The following ATP10B variants were observed in gnomAD, a reference collection of about 807,000 sequenced individuals.
ATP10B encodes ATPase phospholipid transporting 10B (putative).
A neutral mutation model predicts 141.2 loss-of-function variants in ATP10B; 122 were observed. That is an observed-to-expected ratio of 0.86 (90% CI 0.75 to 1.00). The LOEUF is 1.00. ATP10B is among the 50% of genes least tolerant of loss of function. ATP10B has a pLI of 0.00. For synonymous variants in ATP10B, 685 were observed against 692.0 expected, an observed-to-expected ratio of 0.99 and a Z score of 0.16; for missense variants, 1,876 against 1,825.3, an observed-to-expected ratio of 1.03 and a Z score of -0.51.
chr5:160,832,456 G>A (rs1250215640), intron 1 of ATP10B, among the ~76,000 whole-genome samples: 1 of 152,106 alleles, frequency 6.6e-6, no homozygotes. Flanking sequence ...GTGTTAAGTT[G>A]TAGAGAGAGT....
At chr5:160,724,861 T>C (rs188995292) in intron 2 of ATP10B, among the ~76,000 whole-genome samples, 44 of 152,350 alleles carry the variant, frequency 2.9e-4, no homozygotes, top group Non-Finnish European at 5.7e-4. Context: ...TTTGTCCTCC[T>C]TCCTTGCATT....
At chr5:160,874,386 A>T in the ATP10B span, among the ~76,000 whole-genome samples, 1 of 152,186 alleles carries the variant, frequency 6.6e-6, no homozygotes, top group Admixed American at 6.5e-5. Context: ...TCATCTGTAC[A>T]TCACCATCGT....
chr5:160,601,780 G>T (rs1179359032), intron 21 of ATP10B, among the ~76,000 whole-genome samples: 2 of 152,142 alleles, frequency 1.3e-5, no homozygotes, highest in African/African-American at 4.8e-5. Context: ...GCTGGAGTCA[G>T]GTAAGACTAC....
chr5:160,809,454 T>C (rs1773002751), intron 1 of ATP10B, among the ~76,000 whole-genome samples: 1 of 152,238 alleles, frequency 6.6e-6, no homozygotes. Context: ...CATAGTGATG[T>C]TGCAATACAT....
chr5:160,788,485 A>G (rs1771332123), intron 1 of ATP10B, among the ~76,000 whole-genome samples: 1 of 152,268 alleles, frequency 6.6e-6, no homozygotes, highest in Non-Finnish European at 1.5e-5. Context: ...GGAAGAGCTA[A>G]ATTGCATCCT....
At chr5:160,840,226 G>A (rs1228810252) in intron 1 of ATP10B, among the ~76,000 whole-genome samples, 1 of 151,808 alleles carries the variant, frequency 6.6e-6, no homozygotes, top group African/African-American at 2.4e-5. Context: ...AAGCTTTCTT[G>A]TCAAGTTAGA....
intron 2 of ATP10B, among the ~76,000 whole-genome samples, chr5:160,728,683 T>G (rs1380857470): frequency 6.6e-6 from 1 of 152,122 alleles, no homozygotes; most frequent in Non-Finnish European, 1.5e-5. Flanking sequence ...GATAGTGAAT[T>G]TTTCACACCT....
chr5:160,859,992 G>A, the ATP10B span, among the ~76,000 whole-genome samples: 6 of 151,692 alleles, frequency 4.0e-5, no homozygotes, highest in East Asian at 3.9e-4. Context: ...TACGTCTTTC[G>A]TTTATTATGA....
the ATP10B span, among the ~76,000 whole-genome samples, chr5:160,894,237 G>T: frequency 1.3e-5 from 2 of 151,860 alleles, no homozygotes; most frequent in East Asian, 3.9e-4. Context: ...TCAGAAGGTG[G>T]GTAATAACAA....
the ATP10B span, among the ~76,000 whole-genome samples, chr5:160,874,986 C>A: frequency 1.4e-4 from 16 of 117,378 alleles, no homozygotes; most frequent in Admixed American, 1.8e-4. Context: ...GAGAACTTCC[C>A]CAATCTAGCA....
chr5:160,850,892 T>C (rs907682644), intron 1 of ATP10B, among the ~76,000 whole-genome samples: 9 of 152,342 alleles, frequency 5.9e-5, no homozygotes, highest in African/African-American at 2.2e-4. Context: ...ATGGATGAAA[T>C]GACAAACTCA....
chr5:160,812,366 C>T (rs183021740), intron 1 of ATP10B, among the ~76,000 whole-genome samples: 1 of 152,242 alleles, frequency 6.6e-6, no homozygotes, highest in East Asian at 1.9e-4. Context: ...GATGAAGACT[C>T]AGGACTATAC....
intron 6 of ATP10B, among the ~76,000 whole-genome samples, chr5:160,673,135 T>G (rs2127728789): frequency 6.6e-6 from 1 of 152,354 alleles, no homozygotes; most frequent in South Asian, 2.1e-4. Context: ...TTGAGACCCC[T>G]TCTGAGGATT....
At chr5:160,599,666 A>C (rs1181088556) in intron 21 of ATP10B, among the ~76,000 whole-genome samples, 1 of 152,198 alleles carries the variant, frequency 6.6e-6, no homozygotes, top group Admixed American at 6.5e-5. Context: ...GTACTTTCCT[A>C]ATGGTCATGC....
the ATP10B span, among the ~76,000 whole-genome samples, chr5:160,885,035 C>T: frequency 1.3e-5 from 2 of 152,200 alleles, no homozygotes; most frequent in Non-Finnish European, 2.9e-5. Context: ...AAGGCCTCCT[C>T]CTTCCTTTCT....
chr5:160,773,293 G>A (rs558627255), intron 2 of ATP10B, among the ~76,000 whole-genome samples: 1 of 152,188 alleles, frequency 6.6e-6, no homozygotes, highest in Non-Finnish European at 1.5e-5. Flanking sequence ...TTTTAGACAG[G>A]CTTTGCAATG....
intron 1 of ATP10B, among the ~76,000 whole-genome samples, chr5:160,809,620 T>C (rs191481382): frequency 1.3e-5 from 2 of 152,338 alleles, no homozygotes; most frequent in East Asian, 1.9e-4. Context: ...TACGGTGCTA[T>C]AGAATATTGA....
chr5:160,604,335 C>A (rs891732321), intron 19 of ATP10B, among the ~76,000 whole-genome samples: 1 of 151,802 alleles, frequency 6.6e-6, no homozygotes, highest in Admixed American at 6.6e-5. Context: ...GGGCAGTTTT[C>A]AAAAAAATGC....
intron 2 of ATP10B, among the ~76,000 whole-genome samples, chr5:160,745,777 G>A (rs919321759): frequency 2.6e-5 from 4 of 152,210 alleles, no homozygotes; most frequent in African/African-American, 9.6e-5. Flanking sequence ...ACTCACCCAG[G>A]TTCACACAGA....
Sources: gnomAD v4.1 joint callset for allele counts (sites outside exome capture counted in the v4.1 genomes callset) on GRCh38, gnomAD v4.1.1 for gene constraint, MANE v1.5 for transcripts, NCBI Gene and HGNC (gene_info 2026-07-23, HGNC 2026-07-21) for gene names.